The following CYB5B variants were observed in gnomAD, a reference collection of about 807,000 sequenced individuals.
The protein encoded by CYB5B is cytochrome b5 type B, also known as cytochrome b5 type B (outer mitochondrial membrane).
Under a neutral mutation model 21.3 loss-of-function variants are expected in CYB5B, and 14 were observed. The observed-to-expected ratio is 0.66, with a 90% CI of 0.43 to 1.03. The LOEUF is 1.03. Ranked by LOEUF, CYB5B falls within the 50% of genes least tolerant of loss-of-function variation. The pLI is 0.00. For missense variants in CYB5B, 166 were observed against 185.1 expected (o/e 0.90, Z 0.60); for synonymous variants, 69 against 68.4 (o/e 1.01, Z -0.04).
chr16:69,434,982 A>G (rs1397497428), intron 1 of CYB5B, among the ~76,000 whole-genome samples: 2 of 151,708 alleles, frequency 1.3e-5, no homozygotes, highest in Non-Finnish European at 2.9e-5. Context: ...TTGGCCATTT[A>G]TATATGCCTT....
intron 4 of CYB5B, among the ~76,000 whole-genome samples, chr16:69,461,638 AATT>A (rs1256288716): frequency 6.6e-6 from 1 of 152,218 alleles, no homozygotes; most frequent in Non-Finnish European, 1.5e-5. Flanking sequence ...TCTATTAAAG[AATT>A]ATTATGTTAA....
intron 1 of CYB5B, 116 bp downstream of exon 1, chr16:69,424,973 A>G: frequency 9.1e-7 from 1 of 1,100,954 alleles, no homozygotes; most frequent in Middle Eastern, 2.5e-4. Flanking sequence ...GGCGTAAGAA[A>G]GGGATCACGA....
chr16:69,430,477 C>T (rs1030701610), intron 1 of CYB5B, among the ~76,000 whole-genome samples: 1 of 152,024 alleles, frequency 6.6e-6, no homozygotes, highest in African/African-American at 2.4e-5. Flanking sequence ...GCCTTGGCCT[C>T]CCAAAATGTT....
chr16:69,437,392 A>G (rs2014771597), intron 1 of CYB5B, among the ~76,000 whole-genome samples: 1 of 152,176 alleles, frequency 6.6e-6, no homozygotes, highest in Non-Finnish European at 1.5e-5. Context: ...AATGGGAAAT[A>G]TCTACTGTCT....
At chr16:69,456,871 A>T (rs989005855) in intron 3 of CYB5B, among the ~76,000 whole-genome samples, 1 of 152,152 alleles carries the variant, frequency 6.6e-6, no homozygotes, top group Non-Finnish European at 1.5e-5. Flanking sequence ...TTTATTTCCA[A>T]ATTTGGCTGA....
intron 1 of CYB5B, among the ~76,000 whole-genome samples, chr16:69,436,122 C>G (rs1038874011): frequency 6.6e-6 from 1 of 152,188 alleles, no homozygotes; most frequent in African/African-American, 2.4e-5. Flanking sequence ...GGCATGCACT[C>G]ACATGTGTGT....
chr16:69,462,375 T>G, intron 4 of CYB5B, 55 bp from the exon 5 acceptor site: 1 of 1,379,898 alleles, frequency 7.2e-7, no homozygotes, highest in Non-Finnish European at 1.0e-6. Context: ...TGAAAGATAG[T>G]GAACATTTGG....
At chr16:69,460,241 A>G (rs1002458484) in intron 4 of CYB5B, among the ~76,000 whole-genome samples, 3 of 152,186 alleles carry the variant, frequency 2.0e-5, no homozygotes, top group Non-Finnish European at 4.4e-5. Flanking sequence ...TCTCAAAAAA[A>G]AAAACCAAAC....
At position 69,439,313 on chromosome 16, in the gene CYB5B, C is replaced by T. The variant is rs1320035417; in HGVS notation, c.175-7837C>T. On this transcript the variant is annotated intron_variant, in intron 1 of 4. Coordinates refer to ENST00000307892, the MANE Select transcript of CYB5B (RefSeq NM_030579.3). ...GCAACCTCCGCCTCCTGGGTTCAAGCGATTCGACTGCCTCAGCCTCCCGAA... is the reference window on the plus strand; with the variant it reads ...GCAACCTCCGCCTCCTGGGTTCAAGTGATTCGACTGCCTCAGCCTCCCGAA... 3.9e-5 allele frequency among the ~76,000 whole-genome samples: 6 copies of T among 152,086 alleles called. No homozygotes were observed. In the East Asian group the frequency reaches 7.7e-4, roughly 20 times the overall value.
chr16:69,425,623 C>A (rs749611735), intron 1 of CYB5B, among the ~76,000 whole-genome samples: 6 of 152,080 alleles, frequency 3.9e-5, no homozygotes, highest in Non-Finnish European at 7.4e-5. Flanking sequence ...TTGTGCCTAT[C>A]TAAAATGTAC....
At chr16:69,440,843 G>T (rs2014814292) in intron 1 of CYB5B, among the ~76,000 whole-genome samples, 2 of 149,250 alleles carry the variant, frequency 1.3e-5, no homozygotes, top group Admixed American at 1.3e-4. Context: ...TTTTTTTAAA[G>T]AGATAGTGTC....
chr16:69,458,986 A>C lies in CYB5B; in HGVS notation c.334-107A>C, dbSNP rs978852007. The C allele has an allele frequency of 5.2e-6, 5 of 956,446 alleles. No homozygotes were observed. The South Asian group carries it at 8.9e-5, about 17-fold the overall frequency. The allele number at this position is 956,446 out of a possible 1,614,324, so 59.2% of individuals were successfully genotyped here. ...AATGCATGAAAGATGAAGTTCTGGT[A>C]TCAGTTACAGGGTTGACATAGCTTG... is the stretch of plus-strand genomic sequence containing the variant. On this transcript the variant is annotated intron_variant, in intron 3 of 4. Transcript: ENST00000307892.
In CYB5B at chr16:69,448,160, T is replaced by A. The variant is rs1375661842; in HGVS notation, c.333+16T>A. On this transcript the variant is annotated intron_variant, in intron 3 of 4. Coordinates refer to ENST00000307892, the MANE Select transcript of CYB5B (RefSeq NM_030579.3). ...TGGTAGCAAGGTAAGAAGTCAGCGG[T>A]TTGTCTTGTGTTTATATTTGTGTTT... 1 of 1,612,960 alleles carries A rather than the reference T, an allele frequency of 6.2e-7. No homozygotes were observed. The highest frequency in any genetic ancestry group is 1.3e-5 in the African/African-American group (1 of 74,850).
chr16:69,424,965 C>G, intron 1 of CYB5B, 108 bp downstream of exon 1: 2 of 1,181,178 alleles, frequency 1.7e-6, no homozygotes, highest in Non-Finnish European at 1.1e-6. Flanking sequence ...GGCGATAAGG[C>G]GTAAGAAAGG....
At chr16:69,448,168 G>A (rs767499493) in intron 3 of CYB5B, 24 bp downstream of exon 3, 3 of 1,612,724 alleles carry the variant, frequency 1.9e-6, no homozygotes, top group East Asian at 2.2e-5. Context: ...GGTTTGTCTT[G>A]TGTTTATATT....
intron 1 of CYB5B, among the ~76,000 whole-genome samples, chr16:69,435,865 C>G (rs560529904): frequency 6.6e-4 from 101 of 152,292 alleles, no homozygotes; most frequent in African/African-American, 2.2e-3. Context: ...TCTCAAACTC[C>G]TGACCTCAGG....
chr16:69,427,727 G>T (rs2014662910), intron 1 of CYB5B, among the ~76,000 whole-genome samples: 1 of 151,242 alleles, frequency 6.6e-6, no homozygotes, highest in Non-Finnish European at 1.5e-5. Context: ...GCTGGGTGTG[G>T]GCTCATACCT....
chr16:69,441,432 G>A (rs1378388524), intron 1 of CYB5B, among the ~76,000 whole-genome samples: 1 of 152,222 alleles, frequency 6.6e-6, no homozygotes, highest in East Asian at 1.9e-4. Flanking sequence ...GGGATTATAG[G>A]CGTGAGCCAC....
At chr16:69,428,102 G>A (rs888799218) in intron 1 of CYB5B, among the ~76,000 whole-genome samples, 1 of 151,958 alleles carries the variant, frequency 6.6e-6, no homozygotes, top group African/African-American at 2.4e-5. Context: ...TGAGATTACA[G>A]GTGTGAGCCA....
Sources: allele counts gnomAD v4.1 joint callset (sites outside exome capture counted in the v4.1 genomes callset), GRCh38; gene constraint gnomAD v4.1.1; transcripts MANE v1.5; gene names NCBI Gene and HGNC (gene_info 2026-07-23, HGNC 2026-07-21).